The following ZNF490 variants were observed in gnomAD, a reference collection of about 807,000 sequenced individuals.
ZNF490 encodes zinc finger protein 490.
A neutral mutation model predicts 17.7 loss-of-function variants in ZNF490; 11 were observed. That is an observed-to-expected ratio of 0.62 (90% CI 0.39 to 1.03). The LOEUF is 1.03. ZNF490 is among the 50% of genes least tolerant of loss of function. The pLI, the probability that ZNF490 is intolerant of heterozygous loss-of-function variation, is 0.00. For synonymous variants in ZNF490, 222 were observed against 216.1 expected, an observed-to-expected ratio of 1.03 and a Z score of -0.24; for missense variants, 542 against 643.4, an observed-to-expected ratio of 0.84 and a Z score of 1.71.
At chr19:12,597,128 C>G (rs570867439) in intron 2 of ZNF490, 10 of 462,278 alleles carry the variant, frequency 2.2e-5, no homozygotes, top group South Asian at 1.5e-4. Flanking sequence ...GGTCTCGGGA[C>G]TCCCGGCCCC....
At chr19:12,605,493 A>C (rs2023056961) in intron 2 of ZNF490, among the ~76,000 whole-genome samples, 2 of 152,152 alleles carry the variant, frequency 1.3e-5, no homozygotes, top group Admixed American at 6.6e-5. Context: ...TAAAAAAAAA[A>C]AAAACACTTT....
intron 2 of ZNF490, among the ~76,000 whole-genome samples, chr19:12,601,555 A>AT (rs1006775266): frequency 4.6e-5 from 7 of 151,482 alleles, no homozygotes; most frequent in South Asian, 2.1e-4. Context: ...AACCTGGCTA[A>AT]TTTTTTTTTA....
rs751170386 is a variant in ZNF490, at chr19:12,602,125, CACAT to C, written c.162+7029_162+7032del. On this transcript the variant is annotated intron_variant, in intron 2 of 4. Transcript: ENST00000311437. ...ACACACACACACACACACACACACA[CACAT>C]ATATGGGCCTATTTCTGGAATTTCA... Among the ~76,000 whole-genome samples, 1,194 of 147,088 alleles carry C rather than the reference CACAT, an allele frequency of 8.1e-3. 10 individuals carry two copies. The highest frequency in any genetic ancestry group is 0.01 in the African/African-American group (405 of 39,394).
At chr19:12,602,126 A>C (rs2023015306) in intron 2 of ZNF490, among the ~76,000 whole-genome samples, 1 of 147,206 alleles carries the variant, frequency 6.8e-6, no homozygotes, top group Admixed American at 6.9e-5. Flanking sequence ...ACACACACAC[A>C]CATATATGGG....
intron 2 of ZNF490, among the ~76,000 whole-genome samples, chr19:12,602,275 G>A (rs868579302): frequency 1.6e-4 from 25 of 152,104 alleles, no homozygotes; most frequent in African/African-American, 4.8e-4. Flanking sequence ...TGGCTGGCGC[G>A]GTAGCTCCCG....
intron 3 of ZNF490, 132 bp downstream of exon 3, chr19:12,583,298 C>G: frequency 2.7e-6 from 3 of 1,100,176 alleles, no homozygotes; most frequent in Non-Finnish European, 3.8e-6. Context: ...CTCAGCCTCC[C>G]AAAGCACTGG....
rs1188948959 is a variant in ZNF490 at position 12,578,176 on chromosome 19, G to C, written c.*2309C>G. On this transcript the variant is annotated 3_prime_UTR_variant, in exon 5 of 5. Transcript: ENST00000311437. ...CAGGATGCATGTGACATGCACTGAC[G>C]TGAGAAGGCCGGAGCATCATCAGTG... 10 of 985,474 alleles carry C rather than the reference G, an allele frequency of 1.0e-5. No individual in the cohort carries two copies. The highest frequency in any genetic ancestry group is 1.2e-5 in the Non-Finnish European group (10 of 829,974). The allele number at this position is 985,474 out of a possible 1,614,324, so 61.0% of individuals were successfully genotyped here. A position where few individuals can be genotyped will look rare whatever the true frequency, so the allele number is the denominator to read the frequency against.
At chr19:12,609,073 C>A (rs561500391) in intron 2 of ZNF490, 85 bp downstream of exon 2, 79 of 1,355,752 alleles carry the variant, frequency 5.8e-5, no homozygotes, top group South Asian at 4.3e-4. Flanking sequence ...AAGACCCCCC[C>A]ACAAAGAGGT....
At position 12,578,461 on chromosome 19, in the gene ZNF490, C is replaced by T. The variant is rs986704701; in HGVS notation, c.*2024G>A. ...CAGTCTCTCACCTCAGAGCCACCTG[C>T]GGTTGCCACAGAGAAATTCAGATGT... On this transcript the variant is annotated 3_prime_UTR_variant, in exon 5 of 5. Coordinates refer to ENST00000311437, the MANE Select transcript of ZNF490 (RefSeq NM_020714.3). 8.1e-6 allele frequency: 8 copies of T among 985,352 alleles called. No individual in the cohort carries two copies. The highest frequency in any genetic ancestry group is 1.1e-4 in the East Asian group (1 of 8,800). 61.0% of individuals were successfully genotyped at this position (985,352 alleles called of 1,614,324 possible). A position where few individuals can be genotyped will look rare whatever the true frequency, so the allele number is the denominator to read the frequency against.
At position 12,601,929 on chromosome 19, in the gene ZNF490, G is replaced by A. The variant is rs192887323; in HGVS notation, c.162+7229C>T. On this transcript the variant is annotated intron_variant, in intron 2 of 4. Transcript: ENST00000311437. ...GAATGGCGTGAACCCGGGAGGCGGAGCTTGCAGTGAGCCGAGATCGCACCA... is the reference window on the plus strand; with the variant it reads ...GAATGGCGTGAACCCGGGAGGCGGAACTTGCAGTGAGCCGAGATCGCACCA... 6.5e-3 allele frequency among the ~76,000 whole-genome samples: 982 copies of A among 151,756 alleles called. 11 individuals are homozygous for A. Among genetic ancestry groups the A allele is most frequent in the African/African-American group, 0.022 (916 of 41,362 alleles).
chr19:12,591,741 A>G (rs2022874378), intron 2 of ZNF490, among the ~76,000 whole-genome samples: 2 of 152,084 alleles, frequency 1.3e-5, no homozygotes, highest in African/African-American at 4.8e-5. Context: ...AAAAACACCA[A>G]ATGATGGTGA....
chr19:12,609,157 C>T lies in ZNF490; in HGVS notation c.162+1G>A. On this transcript the variant is annotated splice_donor_variant, in intron 2 of 4. Coordinates refer to ENST00000311437, the MANE Select transcript of ZNF490 (RefSeq NM_020714.3). LOFTEE classifies it high-confidence loss of function. ...CGCTGACAGGTAGCGATCTCACTTACAGTTTGAGTCTTGATGCTTTGTCCA... is the reference window on the plus strand; with the variant it reads ...CGCTGACAGGTAGCGATCTCACTTATAGTTTGAGTCTTGATGCTTTGTCCA... 2 of 1,614,066 alleles carry T rather than the reference C, an allele frequency of 1.2e-6. No individual in the cohort carries two copies. Among genetic ancestry groups the T allele is most frequent in the Non-Finnish European group, 1.7e-6 (2 of 1,179,952 alleles).
At chr19:12,594,915 G>A (rs2022914396) in intron 2 of ZNF490, among the ~76,000 whole-genome samples, 1 of 152,164 alleles carries the variant, frequency 6.6e-6, no homozygotes, top group Non-Finnish European at 1.5e-5. Flanking sequence ...TTAATCCCAT[G>A]AATGATTGTC....
chr19:12,578,342 T>C lies in ZNF490; in HGVS notation c.*2143A>G. 1 of 985,652 alleles carries C rather than the reference T, an allele frequency of 1.0e-6. No homozygotes were observed. The highest frequency in any genetic ancestry group is 1.2e-6 in the Non-Finnish European group (1 of 830,042). 61.1% of individuals were successfully genotyped at this position (985,652 alleles called of 1,614,324 possible). On this transcript the variant is annotated 3_prime_UTR_variant, in exon 5 of 5. Transcript: ENST00000311437. ...TCCACTAGCAGTTTTGAGATTATTCTGACTGTGGTGGTTGGTGCAGGGCTG... is the reference window on the plus strand; with the variant it reads ...TCCACTAGCAGTTTTGAGATTATTCCGACTGTGGTGGTTGGTGCAGGGCTG...
intron 2 of ZNF490, among the ~76,000 whole-genome samples, chr19:12,608,662 G>A (rs1345039218): frequency 6.6e-6 from 1 of 152,038 alleles, no homozygotes; most frequent in East Asian, 1.9e-4. Flanking sequence ...TTTTAATAGA[G>A]ATGAGGTTTC....
At chr19:12,606,340 A>ATTCTT (rs977530470) in intron 2 of ZNF490, among the ~76,000 whole-genome samples, 54 of 143,506 alleles carry the variant, frequency 3.8e-4, no homozygotes, top group Non-Finnish European at 7.9e-4. Flanking sequence ...ACCCTGGGTA[A>ATTCTT]TTCTTTTTTT....
intron 2 of ZNF490, among the ~76,000 whole-genome samples, chr19:12,603,173 T>A (rs2023026965): frequency 6.6e-6 from 1 of 152,116 alleles, no homozygotes. Context: ...AACCTTGTAA[T>A]TTCCTAAGCG....
Position 12,578,132 on chromosome 19 carries a change from T to A in ZNF490, c.*2353A>T. 3.0e-6 allele frequency: 3 copies of A among 985,466 alleles called. No individual in the cohort carries two copies. The highest frequency in any genetic ancestry group is 3.6e-6 in the Non-Finnish European group (3 of 830,012). The allele number at this position is 985,466 out of a possible 1,614,324, so 61.0% of individuals were successfully genotyped here. A position where few individuals can be genotyped will look rare whatever the true frequency, so the allele number is the denominator to read the frequency against. On this transcript the variant is annotated 3_prime_UTR_variant, in exon 5 of 5. Transcript: ENST00000311437. ...CTAAGTGCTAGTCTTAGCGGGAGGCTAGGAAACCAGTCCTGGAGCAGGATG... is the reference window on the plus strand; with the variant it reads ...CTAAGTGCTAGTCTTAGCGGGAGGCAAGGAAACCAGTCCTGGAGCAGGATG...
At chr19:12,582,452 T>C (rs1472066452) in intron 4 of ZNF490, among the ~76,000 whole-genome samples, 1 of 151,952 alleles carries the variant, frequency 6.6e-6, no homozygotes. Flanking sequence ...TGCAGTGCAG[T>C]GGATCGATCT....
Sources: gnomAD v4.1 joint callset for allele counts (sites outside exome capture counted in the v4.1 genomes callset) on GRCh38, gnomAD v4.1.1 for gene constraint, MANE v1.5 for transcripts, NCBI Gene and HGNC (gene_info 2026-07-23, HGNC 2026-07-21) for gene names.